SORCS3: variants seen among roughly 807,000 people sequenced by gnomAD.
The protein encoded by SORCS3 is sortilin related VPS10 domain containing receptor 3.
Under a neutral mutation model 146.3 loss-of-function variants are expected in SORCS3, and 57 were observed. The ratio of observed to expected loss-of-function variants is 0.39; its 90% CI spans 0.31 to 0.49. The LOEUF is 0.49. SORCS3 is among the 20% of genes least tolerant of loss of function. The probability of loss-of-function intolerance (pLI) is 0.92; values close to 1 mark genes in which losing one functional copy is unlikely to be tolerated. For missense variants in SORCS3, 1,341 were observed against 1,575.5 expected (o/e 0.85, Z 2.52); for synonymous variants, 653 against 618.5 (o/e 1.06, Z -0.83).
intron 1 of SORCS3, among the ~76,000 whole-genome samples, chr10:104,695,105 GAC>G (rs2016159111): frequency 6.6e-6 from 1 of 152,136 alleles, no homozygotes; most frequent in South Asian, 2.1e-4. Flanking sequence ...AGTGGTTTGG[GAC>G]AGTCAGATCA....
chr10:105,249,683 C>G (rs571888008), intron 22 of SORCS3, among the ~76,000 whole-genome samples: 1 of 151,994 alleles, frequency 6.6e-6, no homozygotes, highest in East Asian at 1.9e-4. Context: ...GAGTTTGAGA[C>G]CACCCTGGGC....
chr10:105,038,301 A>T (rs189812674), intron 4 of SORCS3, among the ~76,000 whole-genome samples: 1 of 152,348 alleles, frequency 6.6e-6, no homozygotes, highest in Non-Finnish European at 1.5e-5. Context: ...TGCATGAAAC[A>T]TGTTGAGTTG....
chr10:104,662,606 AC>A (rs2015716439), intron 1 of SORCS3, among the ~76,000 whole-genome samples: 1 of 152,122 alleles, frequency 6.6e-6, no homozygotes, highest in African/African-American at 2.4e-5. Context: ...TGAACTGCTG[AC>A]CCCATGAGGG....
intron 5 of SORCS3, among the ~76,000 whole-genome samples, chr10:105,088,327 A>G (rs1274683240): frequency 2.6e-5 from 4 of 152,246 alleles, no homozygotes; most frequent in Non-Finnish European, 5.9e-5. Context: ...AGGAAACGAT[A>G]GAATGTCAAT....
At chr10:105,198,706 T>G (rs890909714) in intron 14 of SORCS3, among the ~76,000 whole-genome samples, 10 of 152,060 alleles carry the variant, frequency 6.6e-5, no homozygotes, top group Admixed American at 6.6e-5. Flanking sequence ...AGGCTCAGAG[T>G]TTCTCCTACC....
chr10:104,802,884 A>G (rs904458553), intron 1 of SORCS3, among the ~76,000 whole-genome samples: 2 of 152,174 alleles, frequency 1.3e-5, no homozygotes, highest in African/African-American at 2.4e-5. Flanking sequence ...GGCTTCTGTT[A>G]TCATGAAACC....
intron 25 of SORCS3, among the ~76,000 whole-genome samples, chr10:105,261,381 C>T (rs1442650536): frequency 1.3e-5 from 2 of 152,152 alleles, no homozygotes; most frequent in African/African-American, 4.8e-5. Context: ...CTATTAGAGT[C>T]TTGTAACTCA....
chr10:105,029,029 T>C (rs947076182), intron 4 of SORCS3, among the ~76,000 whole-genome samples: 1 of 152,178 alleles, frequency 6.6e-6, no homozygotes, highest in African/African-American at 2.4e-5. Context: ...AATCAAACTA[T>C]CTTTACAAAA....
chr10:104,892,322 C>A (rs981595380), intron 2 of SORCS3, among the ~76,000 whole-genome samples: 1 of 152,206 alleles, frequency 6.6e-6, no homozygotes, highest in African/African-American at 2.4e-5. Context: ...ACTCACAGTT[C>A]TTACCACATC....
intron 1 of SORCS3, among the ~76,000 whole-genome samples, chr10:104,681,971 T>G (rs1003044015): frequency 5.9e-5 from 9 of 152,248 alleles, no homozygotes; most frequent in Non-Finnish European, 2.9e-5. Context: ...TTGTATATTT[T>G]AATGATTTAT....
intron 4 of SORCS3, among the ~76,000 whole-genome samples, chr10:104,993,717 T>C (rs2055007932): frequency 6.6e-6 from 1 of 152,196 alleles, no homozygotes; most frequent in African/African-American, 2.4e-5. Context: ...AGATCATTAC[T>C]CTTGATATAA....
At chr10:104,865,941 T>G (rs879105168) in intron 2 of SORCS3, among the ~76,000 whole-genome samples, 1 of 152,170 alleles carries the variant, frequency 6.6e-6, no homozygotes, top group Admixed American at 6.5e-5. Flanking sequence ...GAAGGAGGCA[T>G]GTAGGGGTCA....
chr10:104,755,794 A>G (rs891396384), intron 1 of SORCS3, among the ~76,000 whole-genome samples: 5 of 152,200 alleles, frequency 3.3e-5, no homozygotes, highest in African/African-American at 1.2e-4. Context: ...GAATAATACC[A>G]TTTTTGCCTT....
intron 4 of SORCS3, among the ~76,000 whole-genome samples, chr10:105,020,470 C>T (rs1316715716): frequency 6.6e-6 from 1 of 152,088 alleles, no homozygotes; most frequent in Non-Finnish European, 1.5e-5. Context: ...TCTGTGCAAA[C>T]CCTCTACCCC....
chr10:105,238,211 C>A (rs2119707538), intron 20 of SORCS3, among the ~76,000 whole-genome samples: 1 of 152,244 alleles, frequency 6.6e-6, no homozygotes, highest in Non-Finnish European at 1.5e-5. Context: ...TTTTGTGGAT[C>A]TTTTTTAAGA....
At chr10:105,004,818 G>T (rs74155086) in intron 4 of SORCS3, among the ~76,000 whole-genome samples, 20,586 of 145,272 alleles carry the variant, frequency 0.14, 1,449 homozygotes, top group African/African-American at 0.2. Context: ...GGGGGGAAGT[G>T]GGGGGCGGGG....
chr10:105,261,496 C>T (rs2056960226), intron 25 of SORCS3, among the ~76,000 whole-genome samples: 1 of 152,192 alleles, frequency 6.6e-6, no homozygotes, highest in Non-Finnish European at 1.5e-5. Flanking sequence ...CCACAATTCA[C>T]ATTTTAAGGA....
chr10:104,856,653 A>C (rs1264362752), intron 2 of SORCS3, among the ~76,000 whole-genome samples: 3 of 145,942 alleles, frequency 2.1e-5, no homozygotes, highest in Non-Finnish European at 4.5e-5. Context: ...CATATATATA[A>C]ATTATTTCTT....
chr10:105,178,998 G>A (rs954718182), intron 14 of SORCS3, among the ~76,000 whole-genome samples: 1 of 152,110 alleles, frequency 6.6e-6, no homozygotes, highest in Non-Finnish European at 1.5e-5. Flanking sequence ...TTTAACTTTT[G>A]TACACATAGA....
Sources: gnomAD v4.1 joint callset for allele counts (sites outside exome capture counted in the v4.1 genomes callset) on GRCh38, gnomAD v4.1.1 for gene constraint, MANE v1.5 for transcripts, NCBI Gene and HGNC (gene_info 2026-07-23, HGNC 2026-07-21) for gene names.